Variants in PRKN observed in about 807,000 individuals in gnomAD.
PRKN encodes parkin RBR E3 ubiquitin protein ligase.
PRKN carries 56 observed loss-of-function variants against 59.5 expected under a neutral mutation model. The observed-to-expected ratio is 0.94, with a 90% confidence interval of 0.76 to 1.18. The LOEUF is 1.18. PRKN is among the 50% of genes most tolerant of loss of function. The pLI is 0.00. For synonymous variants in PRKN, 250 were observed against 222.1 expected (o/e 1.13, Z -1.12); for missense variants, 657 against 596.4 (o/e 1.10, Z -1.06).
At chr6:161,950,846 A>T (rs942797518) in intron 6 of PRKN, among the ~76,000 whole-genome samples, 4 of 151,744 alleles carry the variant, frequency 2.6e-5, no homozygotes, top group Admixed American at 6.6e-5. Flanking sequence ...AGAGTTGTAA[A>T]AGCCTCAGGC....
chr6:162,418,661 T>TGTGTGTGTGTGTGTGTGTGTGCG (rs1398856017), intron 2 of PRKN, among the ~76,000 whole-genome samples: 5 of 145,650 alleles, frequency 3.4e-5, no homozygotes, highest in Non-Finnish European at 4.5e-5. Flanking sequence ...TGCGTGTGTG[T>TGTGTGTGTGTGTGTGTGTGTGCG]TGAGGGGGGG....
rs1231195135 is a variant in PRKN, at chr6:162,223,579, A to G, written c.413-22327T>C. Among the ~76,000 whole-genome samples the G allele has an allele frequency of 2.0e-5, 3 of 150,072 alleles. 1 individual carries two copies. Among genetic ancestry groups the G allele is most frequent in the African/African-American group, 7.3e-5 (3 of 40,952 alleles). On this transcript the variant is annotated intron_variant, in intron 3 of 11. Coordinates refer to ENST00000366898, the MANE Select transcript of PRKN (RefSeq NM_004562.3). Reference sequence around the variant, plus strand: ...ATTAAATCTATTGACATCTATACGTATGTGTATATTGGCTTATTCCAAATA... The same window carrying G: ...ATTAAATCTATTGACATCTATACGTGTGTGTATATTGGCTTATTCCAAATA...
At chr6:161,899,212 A>C (rs1014467922) in intron 6 of PRKN, among the ~76,000 whole-genome samples, 2 of 152,238 alleles carry the variant, frequency 1.3e-5, no homozygotes, top group Non-Finnish European at 2.9e-5. Flanking sequence ...CTTCAGGGAG[A>C]TATTTGCATA....
At chr6:162,560,267 T>C (rs1305717547) in intron 1 of PRKN, among the ~76,000 whole-genome samples, 2 of 152,352 alleles carry the variant, frequency 1.3e-5, no homozygotes, top group Middle Eastern at 3.4e-3. Flanking sequence ...GTTAGCTTCA[T>C]AAGTAGAAAT....
intron 6 of PRKN, among the ~76,000 whole-genome samples, chr6:161,904,238 T>C (rs1427860171): frequency 1.3e-5 from 2 of 151,590 alleles, no homozygotes; most frequent in African/African-American, 2.4e-5. Context: ...CGCCCACAGT[T>C]TGGGGGGAAA....
At chr6:162,285,799 T>C (rs1233507131) in intron 2 of PRKN, among the ~76,000 whole-genome samples, 1 of 152,160 alleles carries the variant, frequency 6.6e-6, no homozygotes, top group Non-Finnish European at 1.5e-5. Context: ...CTGATGGGTA[T>C]GACTAGAAGA....
intron 6 of PRKN, among the ~76,000 whole-genome samples, chr6:161,838,518 G>C (rs553769187): frequency 3.7e-4 from 56 of 152,334 alleles, no homozygotes; most frequent in South Asian, 1.4e-3. Context: ...TGGCAGGATT[G>C]TCATGGGGCT....
chr6:162,615,395 T>A (rs1782360869), intron 1 of PRKN, among the ~76,000 whole-genome samples: 1 of 152,162 alleles, frequency 6.6e-6, no homozygotes, highest in Non-Finnish European at 1.5e-5. Flanking sequence ...ATACCTGCTA[T>A]GTAGTTCAAG....
intron 4 of PRKN, among the ~76,000 whole-genome samples, chr6:162,116,845 T>G (rs765508344): frequency 1.3e-4 from 20 of 152,246 alleles, no homozygotes; most frequent in Non-Finnish European, 2.5e-4. Flanking sequence ...TGGGCAAATG[T>G]TGGAAAGGAA....
At chr6:162,584,723 C>G (rs1780938556) in intron 1 of PRKN, among the ~76,000 whole-genome samples, 1 of 150,554 alleles carries the variant, frequency 6.6e-6, no homozygotes, top group South Asian at 2.1e-4. Flanking sequence ...TTTTCAAGAC[C>G]AATTCAACAA....
chr6:162,550,710 T>C (rs1323490244), intron 1 of PRKN, among the ~76,000 whole-genome samples: 2 of 152,182 alleles, frequency 1.3e-5, no homozygotes, highest in Non-Finnish European at 2.9e-5. Context: ...GCGTCAAGTC[T>C]CTGGTGGATG....
intron 4 of PRKN, among the ~76,000 whole-genome samples, chr6:162,174,464 G>A (rs1020932847): frequency 6.6e-6 from 1 of 152,036 alleles, no homozygotes; most frequent in Non-Finnish European, 1.5e-5. Context: ...GTATTGAAAC[G>A]TTTGATTTCA....
In PRKN at chr6:161,554,895, G is replaced by T. The variant is rs1780177058; in HGVS notation, c.934-5892C>A. The stretch of plus-strand genomic sequence containing the variant: ...TAAATTAATTGCCCTCTTTTGCCTA[G>T]ATGCCCAAGGAATTTTTTCCATTTC... On this transcript the variant is annotated intron_variant, in intron 8 of 11. Transcript: ENST00000366898. This position sits in a 1 kb window ranked among gnomAD's most constrained non-coding sequence, Gnocchi z 4.5. 6.6e-6 allele frequency among the ~76,000 whole-genome samples: 1 copy of T among 151,756 alleles called. No homozygotes were observed. The highest frequency in any genetic ancestry group is 6.6e-5 in the Admixed American group (1 of 15,222).
intron 3 of PRKN, among the ~76,000 whole-genome samples, chr6:162,250,395 T>C (rs1251741777): frequency 6.6e-6 from 1 of 152,182 alleles, no homozygotes; most frequent in Admixed American, 6.5e-5. Context: ...GTCAATGGTT[T>C]AATATCCTCC....
intron 5 of PRKN, among the ~76,000 whole-genome samples, chr6:161,978,915 TG>T (rs1781155478): frequency 6.6e-6 from 1 of 152,232 alleles, no homozygotes; most frequent in Non-Finnish European, 1.5e-5. Context: ...GAAGCCCAGC[TG>T]TCAATTCTAG....
intron 5 of PRKN, among the ~76,000 whole-genome samples, chr6:162,007,022 T>C (rs56034645): frequency 0.077 from 11,688 of 152,094 alleles, 507 homozygotes; most frequent in Middle Eastern, 0.11. Context: ...CATGAATAAC[T>C]GAATGGATAA....
chr6:161,864,731 A>C (rs1311938687), intron 6 of PRKN, among the ~76,000 whole-genome samples: 1 of 152,060 alleles, frequency 6.6e-6, no homozygotes, highest in African/African-American at 2.4e-5. Context: ...ATCTCAACTC[A>C]CTGCAACCTC....
At chr6:162,618,803 G>C (rs1008786003) in intron 1 of PRKN, among the ~76,000 whole-genome samples, 6 of 152,156 alleles carry the variant, frequency 3.9e-5, no homozygotes, top group African/African-American at 1.4e-4. Context: ...TCTTGTTTTA[G>C]GCTTTGGGGA....
intron 4 of PRKN, among the ~76,000 whole-genome samples, chr6:162,058,025 T>C (rs548569295): frequency 6.6e-6 from 1 of 152,342 alleles, no homozygotes; most frequent in African/African-American, 2.4e-5. Flanking sequence ...CTTGCCCCTT[T>C]GTTTGTTTTA....
Sources: gnomAD v4.1 joint callset for allele counts (sites outside exome capture counted in the v4.1 genomes callset) on GRCh38, gnomAD v4.1.1 for gene constraint, Gnocchi (gnomAD v3.1) non-coding constraint, MANE v1.5 for transcripts, NCBI Gene and HGNC (gene_info 2026-07-23, HGNC 2026-07-21) for gene names.